The following SYNJ2 variants were observed in gnomAD, a reference collection of about 807,000 sequenced individuals.
SYNJ2 encodes the protein synaptojanin 2.
A neutral mutation model predicts 141.3 loss-of-function variants in SYNJ2; 116 were observed. The ratio of observed to expected loss-of-function variants is 0.82; its 90% confidence interval spans 0.71 to 0.96. The LOEUF (loss-of-function observed/expected upper bound fraction) is 0.96, where lower values mean the gene tolerates loss of function less well. Among genes scored for constraint, SYNJ2 ranks in the 40% least tolerant of loss-of-function variants. The pLI is 0.00. For synonymous variants in SYNJ2, 745 were observed against 777.7 expected (o/e 0.96, Z 0.70); for missense variants, 1,873 against 1,934.8 (o/e 0.97, Z 0.60).
At chr6:158,061,287 A>G (rs1204896097) in intron 7 of SYNJ2, among the ~76,000 whole-genome samples, 2 of 152,236 alleles carry the variant, frequency 1.3e-5, no homozygotes, top group Admixed American at 1.3e-4. Flanking sequence ...TGGCCTGGGT[A>G]GGCGGACAGT....
At chr6:157,990,789 C>T (rs906571671) in intron 1 of SYNJ2, among the ~76,000 whole-genome samples, 6 of 152,162 alleles carry the variant, frequency 3.9e-5, no homozygotes, top group Admixed American at 6.5e-5. Flanking sequence ...GGGAGTAACC[C>T]GGAAGAGGCA....
chr6:158,074,115 C>A (rs890840161), intron 15 of SYNJ2, among the ~76,000 whole-genome samples: 1 of 151,774 alleles, frequency 6.6e-6, no homozygotes. Flanking sequence ...GAAGGAGGAG[C>A]TAGAGAGAGA....
At chr6:158,059,481 T>C in intron 7 of SYNJ2, 128 bp downstream of exon 7, 1 of 1,478,904 alleles carries the variant, frequency 6.8e-7, no homozygotes, top group Non-Finnish European at 9.0e-7. Flanking sequence ...TCCTGAGGCT[T>C]CCCCAGCATT....
At chr6:157,985,926 C>T (rs984715521) in intron 1 of SYNJ2, among the ~76,000 whole-genome samples, 6 of 152,172 alleles carry the variant, frequency 3.9e-5, no homozygotes, top group Non-Finnish European at 7.3e-5. Context: ...AAACACCAGG[C>T]CCCCAGGTTC....
Position 158,043,246 on chromosome 6 carries a change from C to A in SYNJ2, c.712-70C>A. On this transcript the variant is annotated intron_variant, in intron 4 of 26. Coordinates refer to ENST00000355585, the MANE Select transcript of SYNJ2 (RefSeq NM_003898.4). This position sits in a 1 kb window ranked among gnomAD's most constrained non-coding sequence, Gnocchi z 4.0. ...GTGTCGGGTCACAGGTGGCCGGATC[C>A]CGTTACCCAGCCCAGGACGTTCGGT... The A allele has an allele frequency of 7.0e-7, 1 of 1,420,880 alleles. No homozygotes were observed. Among genetic ancestry groups the A allele is most frequent in the Non-Finnish European group, 9.9e-7 (1 of 1,012,352 alleles). The allele number at this position is 1,420,880 out of a possible 1,614,324, so 88.0% of individuals were successfully genotyped here.
At chr6:158,039,402 GC>G (rs1011332427) in intron 4 of SYNJ2, among the ~76,000 whole-genome samples, 3 of 152,246 alleles carry the variant, frequency 2.0e-5, no homozygotes, top group African/African-American at 7.2e-5. Context: ...CAGGGAAGCA[GC>G]CCCGTGAGGA....
At position 158,055,036 on chromosome 6, in the gene SYNJ2, T is replaced by C; in HGVS notation, c.857+8T>C. The C allele has an allele frequency of 6.2e-7, 1 of 1,613,580 alleles. No homozygotes were observed. Among genetic ancestry groups the C allele is most frequent in the Admixed American group, 1.7e-5 (1 of 60,004 alleles). Reference sequence around the variant, plus strand: ...TGCCCCTGCTTTCGACAGGTAGGGATTGTCTGACACCATCCAAGCCTGTCA... The same window carrying C: ...TGCCCCTGCTTTCGACAGGTAGGGACTGTCTGACACCATCCAAGCCTGTCA... On this transcript the variant is annotated splice_region_variant and intron_variant, in intron 6 of 26. Coordinates refer to ENST00000355585, the MANE Select transcript of SYNJ2 (RefSeq NM_003898.4).
chr6:158,001,894 T>C (rs1777877798), intron 1 of SYNJ2, among the ~76,000 whole-genome samples: 1 of 152,140 alleles, frequency 6.6e-6, no homozygotes, highest in Admixed American at 6.6e-5. Flanking sequence ...TTAGCTCACA[T>C]TAAGAAACCC....
At chr6:158,005,140 C>A (rs556097424) in intron 1 of SYNJ2, among the ~76,000 whole-genome samples, 1 of 150,246 alleles carries the variant, frequency 6.7e-6, no homozygotes, top group Non-Finnish European at 1.5e-5. Context: ...TGCAGTGGCG[C>A]GATCTCGGCT....
intron 1 of SYNJ2, among the ~76,000 whole-genome samples, chr6:158,000,778 C>G (rs558673773): frequency 2.1e-4 from 32 of 152,238 alleles, no homozygotes; most frequent in East Asian, 9.7e-4. Context: ...CGCACTCCCC[C>G]CAAGCTGGGC....
At position 158,033,684 on chromosome 6, in the gene SYNJ2, A is replaced by C; in HGVS notation, c.711+4A>C. ...CAACTTCGTGGAGACAGAGCAGGTG[A>C]GTGCCCAGGCCCATCTGTGGCACCA... is the stretch of plus-strand genomic sequence containing the variant. On this transcript the variant is annotated splice_donor_region_variant and intron_variant, in intron 4 of 26. Transcript: ENST00000355585. The C allele has an allele frequency of 6.2e-7, 1 of 1,602,272 alleles. No individual in the cohort carries two copies. Among genetic ancestry groups the C allele is most frequent in the Non-Finnish European group, 8.5e-7 (1 of 1,174,868 alleles).
At chr6:158,082,913 A>G (rs573263172) in intron 20 of SYNJ2, among the ~76,000 whole-genome samples, 148 of 149,934 alleles carry the variant, frequency 9.9e-4, no homozygotes, top group Non-Finnish European at 1.3e-3. Context: ...TCTGTACCAA[A>G]TGGGAAGCTG....
intron 1 of SYNJ2, chr6:158,016,977 T>C: frequency 3.3e-6 from 4 of 1,229,586 alleles, no homozygotes; most frequent in Non-Finnish European, 3.1e-6. Flanking sequence ...CCCAGGAAGC[T>C]GTCAGCACTT....
intron 1 of SYNJ2, among the ~76,000 whole-genome samples, chr6:157,986,337 G>GC (rs1255605647): frequency 6.6e-6 from 1 of 152,076 alleles, no homozygotes; most frequent in Non-Finnish European, 1.5e-5. Flanking sequence ...TGCTTCTCCC[G>GC]CGGGTTTTGT....
chr6:157,982,163 C>A lies in SYNJ2; in HGVS notation c.127+75C>A, dbSNP rs557902383. ...TCGCCCAGCCTCGGGAAGACGGGTACCCCCCCTTCCCGAGGGGATCGGGCG... is the reference window on the plus strand; with the variant it reads ...TCGCCCAGCCTCGGGAAGACGGGTAACCCCCCTTCCCGAGGGGATCGGGCG... On this transcript the variant is annotated intron_variant, in intron 1 of 26. Transcript: ENST00000355585. The surrounding 1 kb of genome is among the most constrained non-coding windows in gnomAD (Gnocchi z 4.0). 3.1e-5 allele frequency: 39 copies of A among 1,250,556 alleles called. No homozygotes were observed. In the South Asian group the frequency reaches 7.6e-4, roughly 24 times the overall value. 77.5% of individuals were successfully genotyped at this position (1,250,556 alleles called of 1,614,324 possible).
chr6:158,016,625 G>A (rs749066956), intron 1 of SYNJ2, among the ~76,000 whole-genome samples: 3 of 152,120 alleles, frequency 2.0e-5, no homozygotes, highest in African/African-American at 4.8e-5. Flanking sequence ...GGCTCCCTGC[G>A]CCTAATGGTT....
At chr6:158,092,890 T>C in intron 25 of SYNJ2, 36 bp from the exon 26 acceptor site, 1 of 1,550,796 alleles carries the variant, frequency 6.4e-7, no homozygotes, top group South Asian at 1.2e-5. Context: ...AATTGCCTTG[T>C]CCTTTACACT....
At chr6:158,091,743 C>A (rs543414307) in intron 25 of SYNJ2, among the ~76,000 whole-genome samples, 1 of 140,462 alleles carries the variant, frequency 7.1e-6, no homozygotes, top group African/African-American at 2.7e-5. Context: ...GAGCTAGACT[C>A]TGTCTCATAA....
intron 4 of SYNJ2, among the ~76,000 whole-genome samples, chr6:158,035,435 AG>A (rs1229591997): frequency 2.0e-5 from 3 of 152,152 alleles, no homozygotes; most frequent in African/African-American, 7.2e-5. Context: ...TTCTTCTCAC[AG>A]CAGTTGTGAA....
Sources: allele counts gnomAD v4.1 joint callset (sites outside exome capture counted in the v4.1 genomes callset), GRCh38; gene constraint gnomAD v4.1.1; non-coding constraint Gnocchi (gnomAD v3.1); transcripts MANE v1.5; gene names NCBI Gene and HGNC (gene_info 2026-07-23, HGNC 2026-07-21).